SPAG16: variants seen among roughly 807,000 people sequenced by gnomAD.
SPAG16 encodes sperm associated antigen 16.
A neutral mutation model predicts 80.4 loss-of-function variants in SPAG16; 86 were observed. The ratio of observed to expected loss-of-function variants is 1.07; its 90% CI spans 0.90 to 1.28. The LOEUF (loss-of-function observed/expected upper bound fraction) is 1.28. Among genes scored for constraint, SPAG16 ranks in the 50% most tolerant of loss-of-function variants. SPAG16 has a pLI of 0.00. For synonymous variants in SPAG16, 294 were observed against 265.9 expected (o/e 1.11, Z -1.03); for missense variants, 870 against 765.3 (o/e 1.14, Z -1.61).
chr2:214,062,434 A>AG (rs1220129864), intron 13 of SPAG16, among the ~76,000 whole-genome samples: 1 of 150,464 alleles, frequency 6.6e-6, no homozygotes, highest in Non-Finnish European at 1.5e-5. Flanking sequence ...AAAAAAAAAA[A>AG]AAAAAAAAAA....
chr2:213,499,781 A>G (rs542361278), intron 10 of SPAG16, among the ~76,000 whole-genome samples: 2 of 152,240 alleles, frequency 1.3e-5, no homozygotes, highest in South Asian at 4.2e-4. Flanking sequence ...AGAAAGCACA[A>G]AAGAGGATCC....
chr2:213,866,964 A>T (rs1009582415), intron 11 of SPAG16, among the ~76,000 whole-genome samples: 1 of 151,620 alleles, frequency 6.6e-6, no homozygotes, highest in East Asian at 1.9e-4. Flanking sequence ...ATACAAACAG[A>T]AGGCATTTAA....
At chr2:214,097,410 G>A (rs1021664030) in intron 13 of SPAG16, among the ~76,000 whole-genome samples, 1 of 152,068 alleles carries the variant, frequency 6.6e-6, no homozygotes, top group Admixed American at 6.6e-5. Flanking sequence ...GCTGGCAGGT[G>A]CACTTGAAGT....
chr2:214,102,889 G>A (rs2053151144), intron 13 of SPAG16, among the ~76,000 whole-genome samples: 1 of 152,242 alleles, frequency 6.6e-6, no homozygotes, highest in East Asian at 1.9e-4. Flanking sequence ...GGCTCATGAA[G>A]GATCAAGGGA....
chr2:214,375,570 T>C (rs1367804714), intron 15 of SPAG16, among the ~76,000 whole-genome samples: 1 of 152,090 alleles, frequency 6.6e-6, no homozygotes, highest in Non-Finnish European at 1.5e-5. Flanking sequence ...ACTTATACAC[T>C]GCATACAAGA....
At chr2:213,777,945 A>T (rs2069706415) in intron 10 of SPAG16, among the ~76,000 whole-genome samples, 1 of 152,136 alleles carries the variant, frequency 6.6e-6, no homozygotes, top group African/African-American at 2.4e-5. Flanking sequence ...CTGAAGAGCA[A>T]AGAATTAGGA....
chr2:213,833,785 TCA>T (rs368667105), intron 10 of SPAG16, among the ~76,000 whole-genome samples: 1 of 149,554 alleles, frequency 6.7e-6, no homozygotes, highest in East Asian at 2.0e-4. Context: ...GATAAATGTA[TCA>T]CAGCCATTTC....
intron 12 of SPAG16, among the ~76,000 whole-genome samples, chr2:213,950,569 A>T (rs1286022334): frequency 1.3e-5 from 2 of 152,062 alleles, no homozygotes; most frequent in African/African-American, 4.8e-5. Context: ...TTTGTACTTT[A>T]AGATTATTTT....
rs143074045 is a variant in SPAG16 at position 213,690,831 on chromosome 2, T to G, written c.1071-171654T>G. Among the ~76,000 whole-genome samples, 106 of 152,312 alleles carry G rather than the reference T, an allele frequency of 7.0e-4. 2 individuals are homozygous for G. The East Asian group carries it at 0.018, about 25-fold the overall frequency. The stretch of plus-strand genomic sequence containing the variant: ...TGTACCAGCAACCTCCCAGGGGCTC[T>G]TGGGCCTATGGCCTCAGACTGAGGG... On this transcript the variant is annotated intron_variant, in intron 10 of 15. Transcript: ENST00000331683.
chr2:213,891,326 T>C (rs536126632), intron 11 of SPAG16, among the ~76,000 whole-genome samples: 15 of 152,170 alleles, frequency 9.9e-5, no homozygotes, highest in African/African-American at 3.4e-4. Flanking sequence ...AGGATGAGTA[T>C]TATATTGGAG....
chr2:214,231,083 T>C (rs1688665151), intron 15 of SPAG16, among the ~76,000 whole-genome samples: 1 of 151,952 alleles, frequency 6.6e-6, no homozygotes, highest in Non-Finnish European at 1.5e-5. Context: ...GTAATAATGC[T>C]TGGTGTCCTA....
rs1489538514 is a variant in SPAG16, at chr2:213,643,375, T to C, written c.1070+153285T>C. On this transcript the variant is annotated intron_variant, in intron 10 of 15. Transcript: ENST00000331683. ...ATATATATATATATATATATATATA[T>C]ATATATATATATATATATATATATA... Among the ~76,000 whole-genome samples, 13 of 62,190 alleles carry C rather than the reference T, an allele frequency of 2.1e-4. 1 individual carries two copies. In the East Asian group the frequency reaches 4.5e-3, roughly 22 times the overall value. 40.8% of individuals were successfully genotyped at this position (62,190 alleles called of 152,430 possible).
intron 12 of SPAG16, among the ~76,000 whole-genome samples, chr2:213,948,119 C>A (rs1390811932): frequency 6.6e-6 from 1 of 152,074 alleles, no homozygotes; most frequent in East Asian, 1.9e-4. Flanking sequence ...TCCCTGTAGG[C>A]TCTTCTCCAG....
chr2:214,094,291 T>A (rs2052433229), intron 13 of SPAG16, among the ~76,000 whole-genome samples: 1 of 152,096 alleles, frequency 6.6e-6, no homozygotes, highest in Admixed American at 6.6e-5. Flanking sequence ...GAATCTGCAT[T>A]TTAATAAGAT....
At chr2:213,426,754 GGTGTGT>G (rs148203065) in intron 9 of SPAG16, among the ~76,000 whole-genome samples, 9,339 of 140,540 alleles carry the variant, frequency 0.066, 991 homozygotes, top group African/African-American at 0.22. Context: ...GCATAAATCT[GGTGTGT>G]GTGTGTGTGT....
At chr2:213,311,139 A>T (rs1294894502) in intron 4 of SPAG16, among the ~76,000 whole-genome samples, 1 of 151,730 alleles carries the variant, frequency 6.6e-6, no homozygotes, top group African/African-American at 2.4e-5. Flanking sequence ...TTTTTCATTA[A>T]TACAGTCTAA....
chr2:213,724,038 G>C (rs2066642927), intron 10 of SPAG16, among the ~76,000 whole-genome samples: 1 of 152,152 alleles, frequency 6.6e-6, no homozygotes. Flanking sequence ...TTCCTCCCCA[G>C]ACCCATTAAA....
At chr2:214,335,424 C>T (rs1697211342) in intron 15 of SPAG16, among the ~76,000 whole-genome samples, 1 of 151,718 alleles carries the variant, frequency 6.6e-6, no homozygotes, top group Non-Finnish European at 1.5e-5. Flanking sequence ...TTTATTGAAA[C>T]AACTATGGGT....
At chr2:213,917,556 C>G (rs574300034) in intron 11 of SPAG16, among the ~76,000 whole-genome samples, 1 of 151,920 alleles carries the variant, frequency 6.6e-6, no homozygotes, top group Non-Finnish European at 1.5e-5. Flanking sequence ...TGACTGTATT[C>G]GTGATTTCAC....
Sources: gnomAD v4.1 joint callset for allele counts (sites outside exome capture counted in the v4.1 genomes callset) on GRCh38, gnomAD v4.1.1 for gene constraint, MANE v1.5 for transcripts, NCBI Gene and HGNC (gene_info 2026-07-23, HGNC 2026-07-21) for gene names.